COL12A1: variants seen among roughly 807,000 people sequenced by gnomAD.
COL12A1 encodes collagen alpha-1(XII) chain.
Under a neutral mutation model 349.7 loss-of-function variants are expected in COL12A1, and 114 were observed. The observed-to-expected ratio is 0.33, with a 90% CI of 0.28 to 0.38. The LOEUF is 0.38. Ranked by LOEUF, COL12A1 falls within the 10% of genes least tolerant of loss-of-function variation. The pLI is 1.00. For missense variants in COL12A1, 3,284 were observed against 3,756.9 expected, an observed-to-expected ratio of 0.87 and a Z score of 3.29; for synonymous variants, 1,369 against 1,329.0, an observed-to-expected ratio of 1.03 and a Z score of -0.66.
chr6:75,113,928 G>C (rs1768959392), intron 49 of COL12A1, among the ~76,000 whole-genome samples, 184 bp from the exon 50 acceptor site: 1 of 151,704 alleles, frequency 6.6e-6, no homozygotes, highest in African/African-American at 2.4e-5. Context: ...CTTAGAAGGA[G>C]AAAAATTTAG....
At chr6:75,147,518 G>A (rs1767258628) in intron 23 of COL12A1, among the ~76,000 whole-genome samples, 157 bp downstream of exon 23, 1 of 152,136 alleles carries the variant, frequency 6.6e-6, no homozygotes, top group African/African-American at 2.4e-5. Context: ...GAAAACCACT[G>A]AGTATTTTCT....
chr6:75,182,974 G>A (rs374643698), intron 10 of COL12A1, 76 bp downstream of exon 10: 1 of 1,484,808 alleles, frequency 6.7e-7, no homozygotes, highest in Non-Finnish European at 9.0e-7. Flanking sequence ...AATTGAACAA[G>A]CATATTATCC....
intron 38 of COL12A1, among the ~76,000 whole-genome samples, chr6:75,127,527 C>T (rs1766077058): frequency 6.6e-6 from 1 of 152,272 alleles, no homozygotes; most frequent in East Asian, 1.9e-4. Flanking sequence ...AACAGCAATG[C>T]AAATATCTAC....
intron 30 of COL12A1, among the ~76,000 whole-genome samples, chr6:75,137,799 C>T (rs1766697842): frequency 6.6e-6 from 1 of 152,008 alleles, no homozygotes. Flanking sequence ...GTTCCAACTT[C>T]CAATATGATG....
At chr6:75,136,153 C>A (rs1299695805) in intron 31 of COL12A1, among the ~76,000 whole-genome samples, 1 of 152,078 alleles carries the variant, frequency 6.6e-6, no homozygotes, top group East Asian at 1.9e-4. Context: ...ATGGGAAATG[C>A]TAAGAACAAG....
At chr6:75,157,750 A>C (rs1019825852) in intron 14 of COL12A1, among the ~76,000 whole-genome samples, 1 of 152,164 alleles carries the variant, frequency 6.6e-6, no homozygotes, top group Non-Finnish European at 1.5e-5. Flanking sequence ...TAGGATAATC[A>C]GTGCACATGT....
Position 75,156,441 on chromosome 6 carries a change from T to G in COL12A1, c.3066A>C (p.Lys1022Asn), listed in dbSNP as rs766696276. 1.1e-5 allele frequency: 17 copies of G among 1,613,868 alleles called. No individual in the cohort carries two copies. The highest frequency in any genetic ancestry group is 1.4e-5 in the Non-Finnish European group (17 of 1,179,918). The change falls in exon 15 of 66, where the codon AAA becomes AAC. Residue 1022 changes from lysine (K) to asparagine (N), a missense_variant. By Grantham distance (94) the Lys-to-Asn change is moderately conservative. Transcript: ENST00000322507. ...GATAGACAACACGGTAGTTGACGAC[T>G]TTCCCTGGTGCTGGTTTCCATGTAA... ...MRVTWKPAPG[K>N]VVNYRVVYRP...
chr6:75,106,899 C>CTTTT (rs1160421791), intron 52 of COL12A1, among the ~76,000 whole-genome samples: 1 of 41,930 alleles, frequency 2.4e-5, no homozygotes, highest in African/African-American at 7.7e-5. Context: ...TTTTCTTTTT[C>CTTTT]TTTTTTTTTT....
Position 75,198,700 on chromosome 6 carries a change from G to A in COL12A1, c.74-3753C>T, listed in dbSNP as rs183023318. Among the ~76,000 whole-genome samples, 5 of 152,270 alleles carry A rather than the reference G, an allele frequency of 3.3e-5. No individual in the cohort carries two copies. The East Asian group carries it at 9.6e-4, about 29-fold the overall frequency. ...CCAAGAAATTACCGGCCACTGCAGA[G>A]ATGAATGAAGGGAAGGATGGATAGA... On this transcript the variant is annotated intron_variant, in intron 2 of 65. Coordinates refer to ENST00000322507, the MANE Select transcript of COL12A1 (RefSeq NM_004370.6).
chr6:75,189,839 T>A (rs747333546), intron 5 of COL12A1, 24 bp from the exon 6 acceptor site: 3 of 1,603,688 alleles, frequency 1.9e-6, no homozygotes, highest in Non-Finnish European at 2.6e-6. Flanking sequence ...GATATCTTTT[T>A]AAATGATGCT....
intron 65 of COL12A1, 85 bp downstream of exon 65, chr6:75,087,492 G>T: frequency 1.5e-6 from 2 of 1,349,772 alleles, no homozygotes; most frequent in African/African-American, 1.5e-5. Flanking sequence ...CTTCAAATCA[G>T]CCTTCCTTCA....
chr6:75,105,369 G>A (rs1008638648), intron 53 of COL12A1, 77 bp from the exon 54 acceptor site: 18 of 930,992 alleles, frequency 1.9e-5, no homozygotes, highest in Non-Finnish European at 1.7e-6. Flanking sequence ...CCACTTACAT[G>A]CACAAGGAAG....
intron 39 of COL12A1, 85 bp from the exon 40 acceptor site, chr6:75,125,358 G>T (rs1195051216): frequency 1.5e-6 from 2 of 1,317,872 alleles, no homozygotes; most frequent in Non-Finnish European, 2.1e-6. Flanking sequence ...TATAGTCAAA[G>T]GGTATTATGA....
intron 28 of COL12A1, 47 bp downstream of exon 28, chr6:75,138,775 T>C (rs1445384769): frequency 6.2e-7 from 1 of 1,607,726 alleles, no homozygotes; most frequent in South Asian, 1.1e-5. Context: ...CCCTACAAAT[T>C]AAATGGGACA....
At chr6:75,122,919 A>G (rs1765820002) in intron 43 of COL12A1, among the ~76,000 whole-genome samples, 1 of 152,236 alleles carries the variant, frequency 6.6e-6, no homozygotes, top group Admixed American at 6.5e-5. Flanking sequence ...TGTATAATCC[A>G]GGGAACTTCT....
chr6:75,165,339 C>A (rs1240322437), intron 14 of COL12A1, among the ~76,000 whole-genome samples, 168 bp downstream of exon 14: 2 of 151,740 alleles, frequency 1.3e-5, no homozygotes, highest in Non-Finnish European at 2.9e-5. Flanking sequence ...TACTTTTAGA[C>A]ACTAACCTAC....
At position 75,138,036 on chromosome 6, in the gene COL12A1, G is replaced by A. The variant is rs1766709074; in HGVS notation, c.5251+284C>T. Among the ~76,000 whole-genome samples the A allele has an allele frequency of 2.0e-5, 3 of 151,954 alleles. No homozygotes were observed. The South Asian group carries it at 6.3e-4, about 32-fold the overall frequency. On this transcript the variant is annotated intron_variant, in intron 30 of 65. Transcript: ENST00000322507. ...CCAGAAACGAATTGAATAGCACCTT[G>A]GTCTTGGACTTCTCAGCCTCCAGAA... is the stretch of plus-strand genomic sequence containing the variant.
chr6:75,137,605 A>C, intron 30 of COL12A1, 26 bp from the exon 31 acceptor site: 1 of 1,613,156 alleles, frequency 6.2e-7, no homozygotes, highest in Non-Finnish European at 8.5e-7. Flanking sequence ...TGAAAAACTG[A>C]GTAAGCAGAC....
Position 75,106,495 on chromosome 6 carries a change from A to T in COL12A1, c.8102T>A (p.Phe2701Tyr). 6.2e-7 allele frequency: 1 copy of T among 1,613,832 alleles called. No homozygotes were observed. The highest frequency in any genetic ancestry group is 8.5e-7 in the Non-Finnish European group (1 of 1,179,786). The part of the protein sequence containing the change: ...LLKGERKSAA[F>Y]QIQSFDIVCS... ...GACAATGTCAAAACTCTGGATTTGG[A>T]ACTGCAAACAACCAACAGCAACATC... Residue 2701 changes from phenylalanine (F) to tyrosine (Y), a missense_variant and splice_region_variant, in exon 53 of 66, where the codon TTC becomes TAC. Physicochemically the swap from Phe to Tyr is conservative, Grantham distance 22. Transcript: ENST00000322507.
Sources: gnomAD v4.1 joint callset for allele counts (sites outside exome capture counted in the v4.1 genomes callset) on GRCh38, gnomAD v4.1.1 for gene constraint, MANE v1.5 for transcripts, NCBI Gene and HGNC (gene_info 2026-07-23, HGNC 2026-07-21) for gene names.